VPS13B: variants seen among roughly 807,000 people sequenced by gnomAD.
VPS13B encodes the protein intermembrane lipid transfer protein VPS13B.
Under a neutral mutation model 426.4 loss-of-function variants are expected in VPS13B, and 285 were observed. The ratio of observed to expected loss-of-function variants is 0.67; its 90% CI spans 0.61 to 0.74. VPS13B has a LOEUF of 0.74. Ranked by LOEUF, VPS13B falls within the 30% of genes least tolerant of loss-of-function variation. VPS13B has a pLI of 0.00. For missense variants in VPS13B, 4,537 were observed against 4,782.6 expected, an observed-to-expected ratio of 0.95 and a Z score of 1.51; for synonymous variants, 1,676 against 1,676.4, an observed-to-expected ratio of 1.00 and a Z score of 0.01.
chr8:99,080,061 CAT>C (rs1845359733), intron 3 of VPS13B, among the ~76,000 whole-genome samples: 1 of 150,230 alleles, frequency 6.7e-6, no homozygotes, highest in South Asian at 2.1e-4. Flanking sequence ...TTATCTATAT[CAT>C]ATAAATTATA....
In VPS13B at chr8:99,516,852, ATAAC is replaced by A. The variant is rs1399998078; in HGVS notation, c.4634-4043_4634-4040del. Among the ~76,000 whole-genome samples the A allele has an allele frequency of 5.3e-5, 8 of 151,920 alleles. No homozygotes were observed. In the East Asian group the frequency reaches 1.5e-3, roughly 29 times the overall value. ...AAGTTGTTTTAATAAGTGTGAAAGA[ATAAC>A]TAAATCTTGCTACATCATACTTTTC... On this transcript the variant is annotated intron_variant, in intron 29 of 61. Coordinates refer to ENST00000357162, the MANE Select transcript of VPS13B (RefSeq NM_152564.5).
intron 17 of VPS13B, among the ~76,000 whole-genome samples, chr8:99,270,129 A>ATATTTTTTTTTTTTT (rs1370378172): frequency 1.2e-4 from 2 of 16,826 alleles, no homozygotes; most frequent in Non-Finnish European, 3.1e-4. Context: ...AGATATAAGA[A>ATATTTTTTTTTTTTT]TCTTTTTTTT....
chr8:99,784,987 A>G (rs1301422894), intron 43 of VPS13B, among the ~76,000 whole-genome samples: 2 of 152,160 alleles, frequency 1.3e-5, no homozygotes, highest in Non-Finnish European at 2.9e-5. Flanking sequence ...GGTAAGTCAC[A>G]GGCCTTGCCC....
chr8:99,220,047 A>G (rs530766649), intron 17 of VPS13B, among the ~76,000 whole-genome samples: 11 of 152,342 alleles, frequency 7.2e-5, no homozygotes, highest in Non-Finnish European at 1.3e-4. Context: ...GGAACCAGAG[A>G]AAAATGAGGC....
intron 5 of VPS13B, among the ~76,000 whole-genome samples, chr8:99,104,337 G>T (rs958141588): frequency 2.0e-5 from 3 of 152,132 alleles, no homozygotes; most frequent in African/African-American, 7.2e-5. Context: ...GTATTGTTAT[G>T]CAGTGCATGA....
intron 28 of VPS13B, chr8:99,507,946 C>T: frequency 6.2e-6 from 10 of 1,613,738 alleles, no homozygotes; most frequent in African/African-American, 5.3e-5. Flanking sequence ...TACACAACTC[C>T]CATTAACAGG....
chr8:99,168,251 TAAAG>T (rs1290557452), intron 15 of VPS13B, among the ~76,000 whole-genome samples: 1 of 152,050 alleles, frequency 6.6e-6, no homozygotes, highest in Non-Finnish European at 1.5e-5. Flanking sequence ...AAAAGTATAA[TAAAG>T]ACTTTTAAAA....
intron 42 of VPS13B, among the ~76,000 whole-genome samples, chr8:99,781,003 A>G (rs1811995690): frequency 6.6e-6 from 1 of 152,176 alleles, no homozygotes; most frequent in Non-Finnish European, 1.5e-5. Context: ...TGAATTTAAT[A>G]AGCAAGCAAA....
chr8:99,507,254 T>A, intron 28 of VPS13B, 51 bp downstream of exon 28: 1 of 1,566,574 alleles, frequency 6.4e-7, no homozygotes, highest in Non-Finnish European at 8.8e-7. Flanking sequence ...TTAAACTGTT[T>A]ATCTTGTTAT....
At chr8:99,314,213 C>T (rs1335734321) in intron 19 of VPS13B, among the ~76,000 whole-genome samples, 12 of 152,060 alleles carry the variant, frequency 7.9e-5, no homozygotes, top group South Asian at 2.1e-4. Flanking sequence ...GAGATGAACC[C>T]GGTACCTCAG....
chr8:99,781,694 T>C (rs1812027900), intron 42 of VPS13B, among the ~76,000 whole-genome samples: 1 of 152,160 alleles, frequency 6.6e-6, no homozygotes, highest in Non-Finnish European at 1.5e-5. Context: ...CATCATTTAT[T>C]AAAGGTCAGT....
chr8:99,305,240 C>T (rs970437864), intron 19 of VPS13B, among the ~76,000 whole-genome samples: 5 of 151,986 alleles, frequency 3.3e-5, no homozygotes, highest in South Asian at 2.1e-4. Flanking sequence ...ATGCATTCCA[C>T]ATTTGTGGGT....
At chr8:99,626,877 T>A (rs981396747) in intron 33 of VPS13B, among the ~76,000 whole-genome samples, 7 of 152,206 alleles carry the variant, frequency 4.6e-5, no homozygotes, top group African/African-American at 1.7e-4. Flanking sequence ...CCTAAGTGTT[T>A]ATCAACAGAT....
intron 31 of VPS13B, among the ~76,000 whole-genome samples, chr8:99,560,663 G>A (rs1388390666): frequency 6.6e-6 from 1 of 152,196 alleles, no homozygotes; most frequent in Admixed American, 6.5e-5. Flanking sequence ...CAATAATGGA[G>A]TCATCAGCAT....
In VPS13B at chr8:99,871,482, C is replaced by T. The variant is rs1817412267; in HGVS notation, c.11530C>T (p.His3844Tyr). The T allele has an allele frequency of 6.2e-7, 1 of 1,614,086 alleles. No individual in the cohort carries two copies. The highest frequency in any genetic ancestry group is 1.3e-5 in the African/African-American group (1 of 74,936). The change falls in exon 61 of 62, where the codon CAC (histidine) becomes TAC (tyrosine). Residue 3844 changes from histidine (H) to tyrosine (Y), a missense_variant. Physicochemically the swap from His to Tyr is moderately conservative, Grantham distance 83. This residue lies in a region of VPS13B where 4,311 missense variants were observed against 4,474.3 expected (regional missense o/e 0.96). Transcript: ENST00000357162. ...TCAGTCTCTGGGCAGACCAGAAGTC[C>T]ACATGGCCCTGGACGTGGTTCTGGT... ...MLQSLGRPEV[H>Y]MALDVVLVRG... is the part of the protein sequence containing the mutation.
At chr8:99,609,150 T>A (rs949027121) in intron 33 of VPS13B, among the ~76,000 whole-genome samples, 5 of 152,198 alleles carry the variant, frequency 3.3e-5, no homozygotes, top group African/African-American at 1.2e-4. Context: ...ATGTTATAGT[T>A]CATTGGTTTC....
intron 39 of VPS13B, among the ~76,000 whole-genome samples, chr8:99,728,607 C>T (rs4735636): frequency 0.036 from 5,526 of 152,160 alleles, 123 homozygotes; most frequent in East Asian, 0.066. Flanking sequence ...CTGTTAATGT[C>T]GTAATAATTG....
At chr8:99,096,612 C>T (rs866909841) in intron 4 of VPS13B, among the ~76,000 whole-genome samples, 180 bp downstream of exon 4, 3 of 151,740 alleles carry the variant, frequency 2.0e-5, no homozygotes, top group Non-Finnish European at 2.9e-5. Context: ...AAAAATTAGC[C>T]GGGTGTGGTG....
chr8:99,222,738 A>T (rs1220319705), intron 17 of VPS13B, among the ~76,000 whole-genome samples: 1 of 152,212 alleles, frequency 6.6e-6, no homozygotes, highest in African/African-American at 2.4e-5. Flanking sequence ...CAATTTTTTC[A>T]TGAGGCAAAT....
Sources: allele counts gnomAD v4.1 joint callset (sites outside exome capture counted in the v4.1 genomes callset), GRCh38; gene constraint gnomAD v4.1.1; regional missense constraint gnomAD v4.1.1; transcripts MANE v1.5; gene names NCBI Gene and HGNC (gene_info 2026-07-23, HGNC 2026-07-21).